The following CNTNAP5 variants were observed in gnomAD, a reference collection of about 807,000 sequenced individuals.
CNTNAP5 encodes contactin-associated protein-like 5.
Under a neutral mutation model 150.2 loss-of-function variants are expected in CNTNAP5, and 72 were observed. The ratio of observed to expected loss-of-function variants is 0.48; its 90% CI spans 0.40 to 0.58. CNTNAP5 has a LOEUF of 0.58. Among genes scored for constraint, CNTNAP5 ranks in the 20% least tolerant of loss-of-function variants. CNTNAP5 has a pLI of 0.00. For synonymous variants in CNTNAP5, 672 were observed against 619.8 expected, an observed-to-expected ratio of 1.08 and a Z score of -1.25; for missense variants, 1,636 against 1,626.2, an observed-to-expected ratio of 1.01 and a Z score of -0.10.
rs70999227 is a variant in CNTNAP5, at chr2:124,860,504, TTTCCTTCCTTCCTTCC to T, written c.3218-4774_3218-4759del. The stretch of plus-strand genomic sequence containing the variant: ...CCTTCCTTCCTTCCTTCCTTCCTTC[TTTCCTTCCTTCCTTCC>T]TTCCTTCCTTCCTTCCTTCCTTCCT... On this transcript the variant is annotated intron_variant, in intron 19 of 23. Coordinates refer to ENST00000682447, the MANE Select transcript of CNTNAP5 (RefSeq NM_001367498.1). 4.6e-3 allele frequency among the ~76,000 whole-genome samples: 80 copies of T among 17,476 alleles called. 1 individual carries two copies. Among genetic ancestry groups the T allele is most frequent in the African/African-American group, 0.016 (75 of 4,548 alleles). 11.5% of individuals were successfully genotyped at this position (17,476 alleles called of 152,430 possible).
At chr2:124,303,773 C>A (rs1287964906) in intron 3 of CNTNAP5, among the ~76,000 whole-genome samples, 1 of 152,182 alleles carries the variant, frequency 6.6e-6, no homozygotes, top group Non-Finnish European at 1.5e-5. Flanking sequence ...TGGCTCACAT[C>A]TGTAATCTCT....
chr2:124,879,107 T>C (rs1677917295), intron 21 of CNTNAP5, among the ~76,000 whole-genome samples: 1 of 152,118 alleles, frequency 6.6e-6, no homozygotes, highest in Admixed American at 6.6e-5. Context: ...TTATACTTTG[T>C]GAGTCAGTCA....
At chr2:124,777,388 T>C (rs1277027372) in intron 17 of CNTNAP5, among the ~76,000 whole-genome samples, 1 of 152,110 alleles carries the variant, frequency 6.6e-6, no homozygotes, top group Non-Finnish European at 1.5e-5. Flanking sequence ...TATTATATAT[T>C]TTTTGAAACA....
At chr2:124,260,817 A>G (rs1428722591) in intron 3 of CNTNAP5, among the ~76,000 whole-genome samples, 3 of 152,206 alleles carry the variant, frequency 2.0e-5, no homozygotes, top group African/African-American at 7.2e-5. Flanking sequence ...AATGCAAAAT[A>G]TGTGGAATCC....
intron 1 of CNTNAP5, among the ~76,000 whole-genome samples, chr2:124,097,328 C>T (rs1469459173): frequency 6.6e-6 from 1 of 152,116 alleles, no homozygotes; most frequent in East Asian, 1.9e-4. Context: ...ACTATCCTAC[C>T]CCAATTCCAT....
Position 124,610,204 on chromosome 2 carries a change from CT to C in CNTNAP5, c.1876+285del, listed in dbSNP as rs530375820. Among the ~76,000 whole-genome samples the C allele has an allele frequency of 1.6e-3, 241 of 152,248 alleles. 2 individuals are homozygous for C. The highest frequency in any genetic ancestry group is 2.5e-3 in the Admixed American group (38 of 15,288). On this transcript the variant is annotated intron_variant, in intron 12 of 23. Transcript: ENST00000682447. ...AGGGCCTCCAAGGGCATTTTCTCTC[CT>C]GAAACTCAAAAACAGAAAGAAAAGG...
intron 11 of CNTNAP5, among the ~76,000 whole-genome samples, chr2:124,593,167 G>T: frequency 2.1e-5 from 3 of 145,376 alleles, no homozygotes; most frequent in Non-Finnish European, 3.0e-5. Context: ...TAAGTTTTAG[G>T]GTACATGTGC....
intron 5 of CNTNAP5, among the ~76,000 whole-genome samples, chr2:124,442,411 T>C (rs1692697763): frequency 6.6e-6 from 1 of 152,202 alleles, no homozygotes; most frequent in South Asian, 2.1e-4. Flanking sequence ...TCCAATTTAC[T>C]AGCGTTCTCC....
intron 1 of CNTNAP5, among the ~76,000 whole-genome samples, chr2:124,050,015 C>T (rs1437806725): frequency 6.6e-6 from 1 of 152,152 alleles, no homozygotes; most frequent in Non-Finnish European, 1.5e-5. Context: ...ATAGTTTCTA[C>T]TTCCTAATAG....
chr2:124,346,441 T>TCTTTCCCCTCCTCC, intron 3 of CNTNAP5, among the ~76,000 whole-genome samples: 1 of 152,178 alleles, frequency 6.6e-6, no homozygotes, highest in East Asian at 1.9e-4. Flanking sequence ...ACAATGAACA[T>TCTTTCCCCTCCTCC]ACCAGTTAGC....
intron 1 of CNTNAP5, among the ~76,000 whole-genome samples, chr2:124,211,961 G>C (rs1285969685): frequency 6.6e-6 from 1 of 152,206 alleles, no homozygotes; most frequent in Non-Finnish European, 1.5e-5. Flanking sequence ...ATGATTAGCT[G>C]TTGGAAGTTT....
At chr2:124,233,465 TCAAGGATC>T (rs977823913) in intron 2 of CNTNAP5, among the ~76,000 whole-genome samples, 2 of 152,142 alleles carry the variant, frequency 1.3e-5, no homozygotes, top group Non-Finnish European at 2.9e-5. Flanking sequence ...CTGAAACTCT[TCAAGGATC>T]CAAGACCCAG....
intron 12 of CNTNAP5, among the ~76,000 whole-genome samples, chr2:124,628,130 G>A (rs775158464): frequency 1.3e-4 from 20 of 152,184 alleles, no homozygotes; most frequent in Non-Finnish European, 2.5e-4. Context: ...GAACCAAGTT[G>A]TAAAACACAC....
chr2:124,196,586 G>A (rs145344347), intron 1 of CNTNAP5, among the ~76,000 whole-genome samples: 19 of 152,144 alleles, frequency 1.2e-4, no homozygotes, highest in African/African-American at 2.9e-4. Flanking sequence ...AAAGTATAAC[G>A]TATCATATGG....
intron 8 of CNTNAP5, among the ~76,000 whole-genome samples, chr2:124,520,845 T>C (rs1352060531): frequency 6.6e-6 from 1 of 152,216 alleles, no homozygotes; most frequent in Non-Finnish European, 1.5e-5. Flanking sequence ...AGCAATCTCA[T>C]AAGGTGATTT....
chr2:124,421,848 A>C (rs1240957613), intron 4 of CNTNAP5, among the ~76,000 whole-genome samples: 2 of 152,348 alleles, frequency 1.3e-5, no homozygotes, highest in African/African-American at 4.8e-5. Context: ...CTCTAAAGTC[A>C]CCTGCCTTCC....
chr2:124,447,257 TA>T (rs1285707603), intron 6 of CNTNAP5, among the ~76,000 whole-genome samples: 2 of 151,400 alleles, frequency 1.3e-5, no homozygotes, highest in South Asian at 2.1e-4. Flanking sequence ...TGTATCTTCT[TA>T]AAAAAAAGAC....
intron 3 of CNTNAP5, among the ~76,000 whole-genome samples, chr2:124,316,502 G>A (rs1688962293): frequency 6.6e-6 from 1 of 152,068 alleles, no homozygotes; most frequent in African/African-American, 2.4e-5. Context: ...GATATCTGCA[G>A]TGTGCTAAGA....
intron 3 of CNTNAP5, among the ~76,000 whole-genome samples, chr2:124,311,322 C>T (rs1015465787): frequency 2.0e-5 from 3 of 152,038 alleles, no homozygotes; most frequent in Non-Finnish European, 4.4e-5. Flanking sequence ...GGTTTGGTTT[C>T]GAGTGAGGCC....
Sources: allele counts gnomAD v4.1 joint callset (sites outside exome capture counted in the v4.1 genomes callset), GRCh38; gene constraint gnomAD v4.1.1; transcripts MANE v1.5; gene names NCBI Gene and HGNC (gene_info 2026-07-23, HGNC 2026-07-21).